Variants in LRP8 observed in about 807,000 individuals in gnomAD.
LRP8 encodes the protein low-density lipoprotein receptor-related protein 8.
A neutral mutation model predicts 111.6 loss-of-function variants in LRP8; 46 were observed. The observed-to-expected ratio is 0.41, with a 90% CI of 0.33 to 0.53. The LOEUF is 0.53. LRP8 is among the 20% of genes least tolerant of loss of function. LRP8 has a pLI of 0.20. For synonymous variants in LRP8, 464 were observed against 511.2 expected (o/e 0.91, Z 1.24); for missense variants, 959 against 1,297.4 (o/e 0.74, Z 4.01).
intron 2 of LRP8, among the ~76,000 whole-genome samples, chr1:53,322,339 A>G (rs557443232): frequency 6.6e-6 from 1 of 152,252 alleles, no homozygotes; most frequent in South Asian, 2.1e-4. Context: ...CCTGGAGGCA[A>G]TGGGGTGTCA....
chr1:53,249,336 C>A lies in LRP8; in HGVS notation c.2853+44G>T. On this transcript the variant is annotated intron_variant, in intron 18 of 18. Transcript: ENST00000306052. This position sits in a 1 kb window ranked among gnomAD's most constrained non-coding sequence, Gnocchi z 4.1. ...TTGGCTGCGCCTGCCTTGGTTCATG[C>A]CCTCACTCACCAGCCCCTCAGACTT... is the stretch of plus-strand genomic sequence containing the variant. The A allele has an allele frequency of 6.3e-7, 1 of 1,595,972 alleles. No homozygotes were observed. The highest frequency in any genetic ancestry group is 8.5e-7 in the Non-Finnish European group (1 of 1,169,800).
Position 53,275,571 on chromosome 1 carries a change from A to T in LRP8, c.1006+60T>A, listed in dbSNP as rs1182576838. The T allele has an allele frequency of 6.3e-7, 1 of 1,596,734 alleles. No individual in the cohort carries two copies. Among genetic ancestry groups the T allele is most frequent in the African/African-American group, 1.3e-5 (1 of 74,472 alleles). On this transcript the variant is annotated intron_variant, in intron 6 of 18. Coordinates refer to ENST00000306052, the MANE Select transcript of LRP8 (RefSeq NM_004631.5). The surrounding 1 kb of genome is among the most constrained non-coding windows in gnomAD (Gnocchi z 4.4). Reference sequence around the variant, plus strand: ...CTCCTCCCAACTCTGCCCTCTGGAGAGTTACCAGAGCCTAGGGCATCCTCA... The same window carrying T: ...CTCCTCCCAACTCTGCCCTCTGGAGTGTTACCAGAGCCTAGGGCATCCTCA...
intron 13 of LRP8, among the ~76,000 whole-genome samples, 172 bp downstream of exon 13, chr1:53,260,292 A>G (rs1646280665): frequency 6.6e-6 from 1 of 152,266 alleles, no homozygotes; most frequent in Non-Finnish European, 1.5e-5. Context: ...ACTTGAGGTA[A>G]AATGAGACAA....
chr1:53,249,311 T>C lies in LRP8; in HGVS notation c.2853+69A>G, dbSNP rs1645821449. 6.6e-7 allele frequency: 1 copy of C among 1,526,430 alleles called. No individual in the cohort carries two copies. Among genetic ancestry groups the C allele is most frequent in the African/African-American group, 1.4e-5 (1 of 72,304 alleles). 94.6% of individuals were successfully genotyped at this position (1,526,430 alleles called of 1,614,324 possible). A position where few individuals can be genotyped will look rare whatever the true frequency, so the allele number is the denominator to read the frequency against. ...TCCCAAACCAGAAAGCCTTCTAGGA[T>C]TGGCTGCGCCTGCCTTGGTTCATGC... On this transcript the variant is annotated intron_variant, in intron 18 of 18. Coordinates refer to ENST00000306052, the MANE Select transcript of LRP8 (RefSeq NM_004631.5). The surrounding 1 kb of genome is among the most constrained non-coding windows in gnomAD (Gnocchi z 4.1).
intron 2 of LRP8, among the ~76,000 whole-genome samples, chr1:53,316,905 T>C (rs1171606890): frequency 1.3e-5 from 2 of 152,078 alleles, no homozygotes; most frequent in Non-Finnish European, 2.9e-5. Context: ...CAGCTACAAA[T>C]CATTCCCCAC....
At chr1:53,277,694 A>T (rs574547976) in intron 4 of LRP8, among the ~76,000 whole-genome samples, 57 of 152,200 alleles carry the variant, frequency 3.7e-4, no homozygotes, top group Non-Finnish European at 6.0e-4. Context: ...ACATTTTGCA[A>T]TGATGAGCTC....
At chr1:53,299,966 C>T (rs959462204) in intron 2 of LRP8, among the ~76,000 whole-genome samples, 1 of 152,246 alleles carries the variant, frequency 6.6e-6, no homozygotes, top group Non-Finnish European at 1.5e-5. Context: ...GGCTTGGTCC[C>T]CAGTCCCTTA....
At chr1:53,314,367 C>T (rs1181520089) in intron 2 of LRP8, among the ~76,000 whole-genome samples, 2 of 152,236 alleles carry the variant, frequency 1.3e-5, no homozygotes, top group Non-Finnish European at 2.9e-5. Flanking sequence ...CCACCAGGCC[C>T]CATGCTAGGG....
chr1:53,310,907 T>A (rs1311604214), intron 2 of LRP8, among the ~76,000 whole-genome samples: 1 of 151,952 alleles, frequency 6.6e-6, no homozygotes. Context: ...AAGAAAGCCA[T>A]ACTATAAAGA....
rs1176951483 is a variant in LRP8, at chr1:53,242,566, CA to C, written c.*4451del. ...AGCTAACGGAACTTGAATGACAAGA[CA>C]AAAAGAGCAGAATCAGTTAGTGTGA... On this transcript the variant is annotated 3_prime_UTR_variant, in exon 19 of 19. Coordinates refer to ENST00000306052, the MANE Select transcript of LRP8 (RefSeq NM_004631.5). 2 of 151,978 alleles carry C rather than the reference CA, an allele frequency of 1.3e-5. No individual in the cohort carries two copies. Among genetic ancestry groups the C allele is most frequent in the African/African-American group, 4.8e-5 (2 of 41,354 alleles). 9.4% of individuals were successfully genotyped at this position (151,978 alleles called of 1,614,324 possible).
intron 16 of LRP8, among the ~76,000 whole-genome samples, chr1:53,251,771 C>T (rs1215425844): frequency 3.9e-5 from 6 of 151,992 alleles, no homozygotes; most frequent in East Asian, 1.9e-4. Context: ...AGCCCAGGTG[C>T]GGTGGCTCAC....
In LRP8 at chr1:53,245,226, G is replaced by A. The variant is rs2100325418; in HGVS notation, c.*1792C>T. The stretch of plus-strand genomic sequence containing the variant: ...GGGGGCATCTGGCAGGTAGGGATGG[G>A]AAGGCATTTGCTTAAGTGTGTCAAG... On this transcript the variant is annotated 3_prime_UTR_variant, in exon 19 of 19. Coordinates refer to ENST00000306052, the MANE Select transcript of LRP8 (RefSeq NM_004631.5). 6.6e-6 allele frequency: 1 copy of A among 152,348 alleles called. No homozygotes were observed. The highest frequency in any genetic ancestry group is 2.4e-5 in the African/African-American group (1 of 41,574). The allele number at this position is 152,348 out of a possible 1,614,324, so 9.4% of individuals were successfully genotyped here.
At chr1:53,273,815 G>T (rs2100413403) in intron 6 of LRP8, among the ~76,000 whole-genome samples, 1 of 152,262 alleles carries the variant, frequency 6.6e-6, no homozygotes, top group African/African-American at 2.4e-5. Flanking sequence ...TTCCTGGGAA[G>T]CTCAGGAGGA....
rs531933992 is a variant in LRP8, at chr1:53,303,353, G to A, written c.245-13664C>T. On this transcript the variant is annotated intron_variant, in intron 2 of 18. Coordinates refer to ENST00000306052, the MANE Select transcript of LRP8 (RefSeq NM_004631.5). The surrounding 1 kb of genome is among the most constrained non-coding windows in gnomAD (Gnocchi z 4.3). ...CTCTGGTGGAGCCAAGGGGGCTGCAGGCTGAACACACCTGGGCCCCAGGGC... is the reference window on the plus strand; with the variant it reads ...CTCTGGTGGAGCCAAGGGGGCTGCAAGCTGAACACACCTGGGCCCCAGGGC... Among the ~76,000 whole-genome samples the A allele has an allele frequency of 5.9e-5, 9 of 152,334 alleles. No individual in the cohort carries two copies. Among genetic ancestry groups the A allele is most frequent in the African/African-American group, 1.7e-4 (7 of 41,582 alleles).
chr1:53,274,025 A>G (rs1646841497), intron 6 of LRP8, among the ~76,000 whole-genome samples: 1 of 152,042 alleles, frequency 6.6e-6, no homozygotes, highest in Non-Finnish European at 1.5e-5. Context: ...GGTTTCTAGC[A>G]TGTTCTCTGG....
At chr1:53,253,975 G>T (rs1350711967) in intron 16 of LRP8, among the ~76,000 whole-genome samples, 1 of 151,920 alleles carries the variant, frequency 6.6e-6, no homozygotes, top group Admixed American at 6.6e-5. Context: ...TTCTTCCCTG[G>T]ATCCTTGGCA....
rs1357321775 is a variant in LRP8 at position 53,317,530 on chromosome 1, T to C, written c.244+9343A>G. ...CTCCCAACTGGCCAGTTGACCTAAATCTCTCCTGCTGCTATTTTGCTGCTG... is the reference window on the plus strand; with the variant it reads ...CTCCCAACTGGCCAGTTGACCTAAACCTCTCCTGCTGCTATTTTGCTGCTG... On this transcript the variant is annotated intron_variant, in intron 2 of 18. Coordinates refer to ENST00000306052, the MANE Select transcript of LRP8 (RefSeq NM_004631.5). The surrounding 1 kb of genome is among the most constrained non-coding windows in gnomAD (Gnocchi z 4.9). 2.6e-5 allele frequency among the ~76,000 whole-genome samples: 4 copies of C among 152,068 alleles called. No homozygotes were observed. The highest frequency in any genetic ancestry group is 4.4e-5 in the Non-Finnish European group (3 of 68,008).
chr1:53,322,905 A>AGCTG (rs906158241), intron 2 of LRP8, among the ~76,000 whole-genome samples: 2 of 152,160 alleles, frequency 1.3e-5, no homozygotes, highest in Non-Finnish European at 2.9e-5. Flanking sequence ...ATGAACTCTC[A>AGCTG]GCCATGGGAG....
In LRP8 at chr1:53,262,990, CTG is replaced by C. The variant is rs1646401144; in HGVS notation, c.1656-428_1656-427del. On this transcript the variant is annotated intron_variant, in intron 10 of 18. Transcript: ENST00000306052. The surrounding 1 kb of genome is among the most constrained non-coding windows in gnomAD (Gnocchi z 4.8). ...GCCTACTAGGGCCAGTAGCAGCCCA[CTG>C]TTACTAATCCAAGGTAGTAAATTAG... Among the ~76,000 whole-genome samples, 1 of 152,218 alleles carries C rather than the reference CTG, an allele frequency of 6.6e-6. No individual in the cohort carries two copies. Among genetic ancestry groups the C allele is most frequent in the Non-Finnish European group, 1.5e-5 (1 of 68,032 alleles).
Sources: gnomAD v4.1 joint callset for allele counts (sites outside exome capture counted in the v4.1 genomes callset) on GRCh38, gnomAD v4.1.1 for gene constraint, Gnocchi (gnomAD v3.1) non-coding constraint, MANE v1.5 for transcripts, NCBI Gene and HGNC (gene_info 2026-07-23, HGNC 2026-07-21) for gene names.